The following IP6K3 variants were observed in gnomAD, a reference collection of about 807,000 sequenced individuals.
The protein encoded by IP6K3 is ATP:1D-myo-inositol-hexakisphosphate phosphotransferase.
A neutral mutation model predicts 28.8 loss-of-function variants in IP6K3; 20 were observed. The observed-to-expected ratio is 0.70, with a 90% CI of 0.49 to 1.01. The LOEUF (loss-of-function observed/expected upper bound fraction) is 1.01, where lower values mean the gene tolerates loss of function less well. IP6K3 is among the 50% of genes least tolerant of loss of function. The pLI, the probability that IP6K3 is intolerant of heterozygous loss-of-function variation, is 0.00. For missense variants in IP6K3, 480 were observed against 537.1 expected (o/e 0.89, Z 1.05); for synonymous variants, 213 against 221.3 (o/e 0.96, Z 0.33).
chr6:33,754,322 C>T, the IP6K3 span, among the ~76,000 whole-genome samples: 3 of 152,018 alleles, frequency 2.0e-5, no homozygotes, highest in African/African-American at 7.3e-5. Context: ...CGGCATCTCT[C>T]TGCTGGAAGG....
chr6:33,728,400 C>T, intron 2 of IP6K3, 100 bp from the exon 3 acceptor site: 1 of 1,048,130 alleles, frequency 9.5e-7, no homozygotes, highest in Non-Finnish European at 1.4e-6. Context: ...CTTAATGGCC[C>T]TGGTCCACCT....
chr6:33,751,061 C>T (rs114566989), upstream of IP6K3, among the ~76,000 whole-genome samples: 524 of 152,276 alleles, frequency 3.4e-3, 1 homozygote, highest in African/African-American at 0.011. The surrounding 1 kb of genome is among the most constrained non-coding windows in gnomAD (Gnocchi z 4.3). Context: ...TCCTCCCCGC[C>T]GCCCCACTCC....
intron 5 of IP6K3, 59 bp from the exon 6 acceptor site, chr6:33,723,246 G>T: frequency 8.7e-7 from 1 of 1,155,844 alleles, no homozygotes; most frequent in Non-Finnish European, 1.2e-6. Context: ...AATTGTATCT[G>T]GTACGGTTGC....
rs754071378 is a variant in IP6K3 at position 33,735,590 on chromosome 6, C to T, written c.-114G>A. On this transcript the variant is annotated 5_prime_UTR_variant, in exon 2 of 6. Coordinates refer to ENST00000293756, the MANE Select transcript of IP6K3 (RefSeq NM_054111.5). ...GCTGTCAGCGGTCCTCAACTTTCTC[C>T]TTCTTGGCCTTTATTGCTGTCATAG... 5.7e-5 allele frequency: 85 copies of T among 1,497,486 alleles called. No homozygotes were observed. The highest frequency in any genetic ancestry group is 7.4e-5 in the Non-Finnish European group (84 of 1,130,962). The allele number at this position is 1,497,486 out of a possible 1,614,324, so 92.8% of individuals were successfully genotyped here.
At chr6:33,741,456 A>G (rs193236513) in intron 1 of IP6K3, among the ~76,000 whole-genome samples, 9 of 152,150 alleles carry the variant, frequency 5.9e-5, no homozygotes, top group Non-Finnish European at 7.4e-5. Flanking sequence ...AGCCTAAGCC[A>G]ACATGGTGAA....
intron 4 of IP6K3, 147 bp downstream of exon 4, chr6:33,726,584 C>T: frequency 1.3e-6 from 1 of 789,976 alleles, no homozygotes; most frequent in South Asian, 2.1e-5. Flanking sequence ...AGGGCTTGTG[C>T]CTTCCAGCTA....
chr6:33,754,634 G>T, the IP6K3 span, among the ~76,000 whole-genome samples: 1 of 152,260 alleles, frequency 6.6e-6, no homozygotes, highest in African/African-American at 2.4e-5. Context: ...CCCTGCACCT[G>T]GGCAGGTTGG....
chr6:33,758,873 A>T, the IP6K3 span, among the ~76,000 whole-genome samples: 2 of 152,332 alleles, frequency 1.3e-5, no homozygotes, highest in Non-Finnish European at 2.9e-5. Context: ...TGCTGGGATT[A>T]CAGGCGTGAA....
the IP6K3 span, among the ~76,000 whole-genome samples, chr6:33,753,520 G>A: frequency 1.3e-5 from 2 of 152,258 alleles, no homozygotes; most frequent in Admixed American, 1.3e-4. Flanking sequence ...GGAACAGCAA[G>A]GGGAACAGCA....
intron 3 of IP6K3, 87 bp from the exon 4 acceptor site, chr6:33,726,993 G>C: frequency 3.7e-6 from 5 of 1,361,776 alleles, no homozygotes; most frequent in Non-Finnish European, 5.0e-6. Context: ...CTCTGAGATG[G>C]GCTCTGAAAG....
chr6:33,752,850 C>T, the IP6K3 span, among the ~76,000 whole-genome samples: 15 of 152,378 alleles, frequency 9.8e-5, no homozygotes, highest in Admixed American at 2.6e-4. Context: ...TTTCTTTGGA[C>T]TGTTGTGATG....
At chr6:33,741,645 CA>C (rs11403411) in intron 1 of IP6K3, among the ~76,000 whole-genome samples, 255 of 29,368 alleles carry the variant, frequency 8.7e-3, no homozygotes, top group African/African-American at 0.035. Context: ...GACTCCATCT[CA>C]AAAAAAAAAA....
intron 4 of IP6K3, among the ~76,000 whole-genome samples, chr6:33,725,924 A>G (rs571605466): frequency 1.3e-5 from 2 of 152,334 alleles, no homozygotes; most frequent in South Asian, 4.1e-4. Context: ...GGCCATGCCC[A>G]ATTTACATTT....
chr6:33,760,307 C>T, the IP6K3 span, among the ~76,000 whole-genome samples: 1 of 152,172 alleles, frequency 6.6e-6, no homozygotes, highest in Non-Finnish European at 1.5e-5. Context: ...GGCTCAGGGT[C>T]TTATGTTTCC....
upstream of IP6K3, among the ~76,000 whole-genome samples, chr6:33,749,649 C>G (rs1417546921): frequency 1.3e-5 from 2 of 149,570 alleles, no homozygotes; most frequent in African/African-American, 5.1e-5. Flanking sequence ...TGTGTGTGTG[C>G]GCGCGGCCCC....
chr6:33,741,828 G>A lies in IP6K3; in HGVS notation c.-180+4930C>T, dbSNP rs546727167. On this transcript the variant is annotated intron_variant, in intron 1 of 5. Coordinates refer to ENST00000293756, the MANE Select transcript of IP6K3 (RefSeq NM_054111.5). ...TAGCAGGGCGTGGTGACACGTGCCTGTAATCCCAGCTACTCGGGAGGCTGA... is the reference window on the plus strand; with the variant it reads ...TAGCAGGGCGTGGTGACACGTGCCTATAATCCCAGCTACTCGGGAGGCTGA... 2.3e-3 allele frequency among the ~76,000 whole-genome samples: 351 copies of A among 151,840 alleles called. 1 individual carries two copies. Among genetic ancestry groups the A allele is most frequent in the Middle Eastern group, 3.4e-3 (1 of 294 alleles).
chr6:33,724,401 T>C (rs1766020851), intron 5 of IP6K3, among the ~76,000 whole-genome samples: 1 of 152,212 alleles, frequency 6.6e-6, no homozygotes, highest in South Asian at 2.1e-4. Context: ...AGAAAAGCTA[T>C]AACGTTTACC....
intron 1 of IP6K3, among the ~76,000 whole-genome samples, chr6:33,741,769 T>G (rs1212129393): frequency 2.7e-5 from 4 of 147,104 alleles, no homozygotes; most frequent in Admixed American, 6.9e-5. Flanking sequence ...CTGACCAACA[T>G]GGAGAAACCC....
At chr6:33,748,073 G>A (rs1216808802), upstream of IP6K3, among the ~76,000 whole-genome samples, 1 of 152,102 alleles carries the variant, frequency 6.6e-6, no homozygotes, top group African/African-American at 2.4e-5. Flanking sequence ...GTTCCCCTGG[G>A]CACTGGTGCC....
Sources: allele counts gnomAD v4.1 joint callset (sites outside exome capture counted in the v4.1 genomes callset), GRCh38; gene constraint gnomAD v4.1.1; non-coding constraint Gnocchi (gnomAD v3.1); transcripts MANE v1.5; gene names NCBI Gene and HGNC (gene_info 2026-07-23, HGNC 2026-07-21).